IREB2: variants seen among roughly 807,000 people sequenced by gnomAD.
IREB2 encodes the protein iron responsive element binding protein 2.
In IREB2, 39 loss-of-function variants were observed where a neutral mutation model predicts 118.8. The ratio of observed to expected loss-of-function variants is 0.33; its 90% CI spans 0.25 to 0.43. The LOEUF (loss-of-function observed/expected upper bound fraction) is 0.43, where lower values mean the gene tolerates loss of function less well. Ranked by LOEUF, IREB2 falls within the 20% of genes least tolerant of loss-of-function variation. The probability of loss-of-function intolerance (pLI) is 1.00; values close to 1 mark genes in which losing one functional copy is unlikely to be tolerated. For missense variants in IREB2, 900 were observed against 1,147.3 expected (o/e 0.78, Z 3.11); for synonymous variants, 372 against 392.2 (o/e 0.95, Z 0.61).
chr15:78,488,753 A>T lies in IREB2; in HGVS notation c.2058A>T (p.Ala686=). Residue 686 remains alanine, a synonymous_variant, in exon 16 of 22, where the codon GCA becomes GCT. Coordinates refer to ENST00000258886, the MANE Select transcript of IREB2 (RefSeq NM_004136.4). ...EEHVILSMFK[A]LKDKIEMGNK... is the part of the protein sequence containing the mutation. ...ATGTTATACTATCCATGTTTAAAGC[A>T]TTAAAAGATAAAATAGAAGTAAGAG... 6.5e-7 allele frequency: 1 copy of T among 1,528,284 alleles called. No homozygotes were observed. Among genetic ancestry groups the T allele is most frequent in the Non-Finnish European group, 9.0e-7 (1 of 1,108,688 alleles). The allele number at this position is 1,528,284 out of a possible 1,614,324, so 94.7% of individuals were successfully genotyped here. A position where few individuals can be genotyped will look rare whatever the true frequency, so the allele number is the denominator to read the frequency against.
At chr15:78,481,840 G>A (rs2051579380) in intron 10 of IREB2, 1 of 152,140 alleles carries the variant, frequency 6.6e-6, no homozygotes. Flanking sequence ...AAACAAACCT[G>A]ACCATGTAAA....
chr15:78,472,523 C>T (rs745511637), intron 7 of IREB2, among the ~76,000 whole-genome samples: 4 of 152,102 alleles, frequency 2.6e-5, no homozygotes, highest in South Asian at 2.1e-4. Context: ...CGTGCCACCA[C>T]GCCCAGCTAA....
At chr15:78,488,568 CATG>C in intron 15 of IREB2, 76 bp from the exon 16 acceptor site, 1 of 1,360,454 alleles carries the variant, frequency 7.4e-7, no homozygotes, top group Non-Finnish European at 1.0e-6. Flanking sequence ...ACTTGATTTC[CATG>C]ATATGTCTTT....
At chr15:78,476,946 CTTTT>C (rs985066070) in intron 9 of IREB2, among the ~76,000 whole-genome samples, 47 of 152,080 alleles carry the variant, frequency 3.1e-4, no homozygotes, top group Non-Finnish European at 6.2e-4. Flanking sequence ...AGTAAGATCT[CTTTT>C]TTTAATCTCT....
At chr15:78,480,131 T>G (rs1482444440) in intron 10 of IREB2, 2 of 152,228 alleles carry the variant, frequency 1.3e-5, no homozygotes, top group African/African-American at 4.8e-5. Context: ...GAACAATTGC[T>G]GGCACATAGT....
chr15:78,467,207 G>GC (rs1555407539), intron 5 of IREB2, among the ~76,000 whole-genome samples: 23 of 53,304 alleles, frequency 4.3e-4, no homozygotes, highest in African/African-American at 1.2e-3. Context: ...TGAGACTGTC[G>GC]CAAAAAAAAA....
chr15:78,485,843 A>G lies in IREB2; in HGVS notation c.1709+3A>G. The G allele has an allele frequency of 1.2e-6, 2 of 1,612,480 alleles. No individual in the cohort carries two copies. Among genetic ancestry groups the G allele is most frequent in the Non-Finnish European group, 1.7e-6 (2 of 1,178,926 alleles). On this transcript the variant is annotated splice_donor_region_variant and intron_variant, in intron 13 of 21. Transcript: ENST00000258886. ...TTACCATATCTAAGTAAGCTTGGGT[A>G]AGTAACAGCTATCGCACTTCATATT... is the stretch of plus-strand genomic sequence containing the variant.
chr15:78,460,410 AG>A (rs2051176731), intron 2 of IREB2, among the ~76,000 whole-genome samples: 1 of 152,212 alleles, frequency 6.6e-6, no homozygotes, highest in South Asian at 2.1e-4. Context: ...GATCAATGAA[AG>A]GTTTTTTAAG....
intron 13 of IREB2, among the ~76,000 whole-genome samples, chr15:78,486,710 C>G (rs935022979): frequency 6.6e-6 from 1 of 152,108 alleles, no homozygotes; most frequent in Non-Finnish European, 1.5e-5. Context: ...TGCTCTATTG[C>G]CCACACTGGA....
At chr15:78,440,191 T>C (rs73461551) in intron 2 of IREB2, among the ~76,000 whole-genome samples, 5,375 of 152,152 alleles carry the variant, frequency 0.035, 323 homozygotes, top group African/African-American at 0.12. Context: ...TCTTGCTATG[T>C]TACCCAGGCT....
intron 18 of IREB2, among the ~76,000 whole-genome samples, chr15:78,491,772 A>G (rs896944689): frequency 1.3e-5 from 2 of 152,234 alleles, no homozygotes; most frequent in African/African-American, 4.8e-5. Flanking sequence ...CTGGGATTAC[A>G]GGCATGAGCA....
intron 15 of IREB2, 33 bp downstream of exon 15, chr15:78,488,369 A>C: frequency 1.3e-6 from 2 of 1,502,358 alleles, no homozygotes; most frequent in Admixed American, 2.4e-5. Flanking sequence ...GTATACCTAC[A>C]CATACTTTTC....
intron 2 of IREB2, among the ~76,000 whole-genome samples, chr15:78,462,278 A>C (rs926704871): frequency 1.3e-5 from 2 of 152,164 alleles, no homozygotes. Flanking sequence ...AACTAACCCC[A>C]TATTAATTCA....
chr15:78,494,122 G>C lies in IREB2; in HGVS notation c.2473-20G>C, dbSNP rs777241655. ...ATCAAAATTTGTATTAAAAAATTTTGTGTTTGTTTTAATCTACAGCTAGAT... is the reference window on the plus strand; with the variant it reads ...ATCAAAATTTGTATTAAAAAATTTTCTGTTTGTTTTAATCTACAGCTAGAT... On this transcript the variant is annotated intron_variant, in intron 19 of 21. Coordinates refer to ENST00000258886, the MANE Select transcript of IREB2 (RefSeq NM_004136.4). The C allele has an allele frequency of 2.5e-6, 4 of 1,612,726 alleles. No individual in the cohort carries two copies. The highest frequency in any genetic ancestry group is 1.7e-6 in the Non-Finnish European group (2 of 1,179,574).
intron 10 of IREB2, among the ~76,000 whole-genome samples, chr15:78,479,649 C>T (rs1242731772): frequency 6.6e-6 from 1 of 152,000 alleles, no homozygotes; most frequent in Non-Finnish European, 1.5e-5. Flanking sequence ...TAATCAGTTT[C>T]GATGTTATCT....
intron 2 of IREB2, among the ~76,000 whole-genome samples, chr15:78,450,177 G>C (rs960831001): frequency 6.6e-6 from 1 of 152,182 alleles, no homozygotes; most frequent in Admixed American, 6.5e-5. Context: ...GAAAAGACAC[G>C]GTTTAGTAAT....
At chr15:78,464,607 A>G (rs1418258787) in intron 3 of IREB2, among the ~76,000 whole-genome samples, 1 of 152,196 alleles carries the variant, frequency 6.6e-6, no homozygotes, top group African/African-American at 2.4e-5. Context: ...ATTTTGAGAT[A>G]CAGTCACACT....
chr15:78,443,007 G>A (rs2050868226), intron 2 of IREB2, among the ~76,000 whole-genome samples: 3 of 152,094 alleles, frequency 2.0e-5, no homozygotes, highest in African/African-American at 7.2e-5. Context: ...GAATAATCAA[G>A]GTCTTCTCTT....
In IREB2 at chr15:78,493,894, A is replaced by C. The variant is rs1053845267; in HGVS notation, c.2325-15A>C. Reference sequence around the variant, plus strand: ...CCACATGTAATGAAAACTGACTTTCATTACTTTCTTGTAGCCTTACCCCTC... The same window carrying C: ...CCACATGTAATGAAAACTGACTTTCCTTACTTTCTTGTAGCCTTACCCCTC... On this transcript the variant is annotated splice_polypyrimidine_tract_variant and intron_variant, in intron 18 of 21. Coordinates refer to ENST00000258886, the MANE Select transcript of IREB2 (RefSeq NM_004136.4). 1.2e-6 allele frequency: 2 copies of C among 1,601,312 alleles called. No homozygotes were observed. The highest frequency in any genetic ancestry group is 1.1e-5 in the South Asian group (1 of 89,050).
Sources: gnomAD v4.1 joint callset for allele counts (sites outside exome capture counted in the v4.1 genomes callset) on GRCh38, gnomAD v4.1.1 for gene constraint, MANE v1.5 for transcripts, NCBI Gene and HGNC (gene_info 2026-07-23, HGNC 2026-07-21) for gene names.